Variants in DNM3 observed in about 807,000 individuals in gnomAD.
DNM3 encodes dynamin-3.
In DNM3, 47 loss-of-function variants were observed where a neutral mutation model predicts 101.6. The ratio of observed to expected loss-of-function variants is 0.46; its 90% CI spans 0.37 to 0.59. The LOEUF (loss-of-function observed/expected upper bound fraction) is 0.59, where lower values mean the gene tolerates loss of function less well. DNM3 is among the 20% of genes least tolerant of loss of function. The pLI is 0.00. For missense variants in DNM3, 849 were observed against 1,085.7 expected (o/e 0.78, Z 3.06); for synonymous variants, 385 against 387.9 (o/e 0.99, Z 0.09).
chr1:172,163,135 A>G (rs910791044), intron 14 of DNM3, among the ~76,000 whole-genome samples: 4 of 152,138 alleles, frequency 2.6e-5, no homozygotes, highest in African/African-American at 9.6e-5. Flanking sequence ...TAACATGTAC[A>G]TCACCTCACA....
intron 15 of DNM3, among the ~76,000 whole-genome samples, chr1:172,288,437 T>G (rs1380809011): frequency 1.3e-5 from 2 of 152,212 alleles, no homozygotes; most frequent in Non-Finnish European, 2.9e-5. Flanking sequence ...TTTATGATCC[T>G]ACAGGCCATG....
chr1:172,172,998 A>G (rs1022234679), intron 14 of DNM3, among the ~76,000 whole-genome samples: 3 of 151,892 alleles, frequency 2.0e-5, no homozygotes, highest in African/African-American at 7.2e-5. Flanking sequence ...ATAGTAAGCT[A>G]CCATTACAGG....
chr1:172,219,726 T>C (rs1256266822), intron 14 of DNM3, among the ~76,000 whole-genome samples: 1 of 152,136 alleles, frequency 6.6e-6, no homozygotes, highest in Non-Finnish European at 1.5e-5. Flanking sequence ...AGAGCACTCT[T>C]CCATGCCCTC....
At chr1:172,116,326 T>C (rs1039088228) in intron 13 of DNM3, among the ~76,000 whole-genome samples, 5 of 152,184 alleles carry the variant, frequency 3.3e-5, no homozygotes, top group African/African-American at 1.2e-4. Context: ...CCACAGGAGG[T>C]TCTCACATGC....
At chr1:172,122,607 C>T (rs2056388898) in intron 13 of DNM3, among the ~76,000 whole-genome samples, 1 of 152,186 alleles carries the variant, frequency 6.6e-6, no homozygotes, top group African/African-American at 2.4e-5. Context: ...GATTATGCCA[C>T]AACCTGTTAA....
chr1:172,032,322 C>A, intron 4 of DNM3, 80 bp from the exon 5 acceptor site: 2 of 1,006,602 alleles, frequency 2.0e-6, no homozygotes, highest in Non-Finnish European at 3.1e-6. Flanking sequence ...ATGTGCTTTA[C>A]ATTTAGCATT....
chr1:172,324,292 T>C (rs901235754), intron 17 of DNM3, among the ~76,000 whole-genome samples: 1 of 152,182 alleles, frequency 6.6e-6, no homozygotes, highest in African/African-American at 2.4e-5. Flanking sequence ...TTGGCCGGCA[T>C]ATTCAAACCA....
intron 14 of DNM3, among the ~76,000 whole-genome samples, chr1:172,221,369 A>G (rs1420271619): frequency 6.6e-6 from 1 of 152,036 alleles, no homozygotes; most frequent in African/African-American, 2.4e-5. Flanking sequence ...TTTGGCTCTC[A>G]GTTTCTTCAA....
intron 12 of DNM3, among the ~76,000 whole-genome samples, chr1:172,089,135 C>A (rs2053733861): frequency 6.6e-6 from 1 of 152,144 alleles, no homozygotes; most frequent in Non-Finnish European, 1.5e-5. Flanking sequence ...AAAACAGAAG[C>A]ACTTTGTTTT....
intron 17 of DNM3, among the ~76,000 whole-genome samples, chr1:172,366,076 TTTAA>T (rs1171396069): frequency 1.3e-4 from 20 of 151,752 alleles, no homozygotes; most frequent in African/African-American, 4.6e-4. Context: ...AAAACATTTT[TTTAA>T]TTAATTAGCT....
intron 14 of DNM3, among the ~76,000 whole-genome samples, chr1:172,238,076 T>A (rs2061610889): frequency 6.6e-6 from 1 of 152,190 alleles, no homozygotes; most frequent in Admixed American, 6.5e-5. Flanking sequence ...ATAAATACAT[T>A]ACTACCACTT....
chr1:172,170,665 A>T (rs1054328859), intron 14 of DNM3, among the ~76,000 whole-genome samples: 4 of 151,718 alleles, frequency 2.6e-5, no homozygotes, highest in Non-Finnish European at 5.9e-5. Flanking sequence ...GCATATCACA[A>T]TGCTGTTTTT....
At chr1:172,181,125 T>C (rs2059328125) in intron 14 of DNM3, among the ~76,000 whole-genome samples, 1 of 152,014 alleles carries the variant, frequency 6.6e-6, no homozygotes, top group Admixed American at 6.6e-5. Context: ...TATAGTAATT[T>C]TGAAAGCATA....
intron 9 of DNM3, 30 bp from the exon 10 acceptor site, chr1:172,048,582 C>A (rs777869245): frequency 2.5e-5 from 39 of 1,577,494 alleles, no homozygotes; most frequent in Non-Finnish European, 1.8e-5. Context: ...TTAAAAAAAT[C>A]TCATGGGCTG....
intron 14 of DNM3, among the ~76,000 whole-genome samples, chr1:172,250,308 A>G (rs951211898): frequency 4.6e-5 from 7 of 152,118 alleles, no homozygotes; most frequent in African/African-American, 1.7e-4. Flanking sequence ...GAAAAGATGT[A>G]TTTGGAAAAG....
intron 14 of DNM3, among the ~76,000 whole-genome samples, chr1:172,172,253 C>A (rs903421852): frequency 4.0e-5 from 6 of 151,630 alleles, no homozygotes; most frequent in African/African-American, 1.5e-4. Context: ...GTTACATCTG[C>A]AAATACAGTA....
In DNM3 at chr1:172,227,271, G is replaced by GATATATATATATATATAT. The variant is rs140087796; in HGVS notation, c.1660-26285_1660-26268dup. Among the ~76,000 whole-genome samples the GATATATATATATATATAT allele has an allele frequency of 5.8e-3, 455 of 77,880 alleles. 13 individuals are homozygous for GATATATATATATATATAT. The highest frequency in any genetic ancestry group is 8.5e-3 in the Middle Eastern group (1 of 118). 51.1% of individuals were successfully genotyped at this position (77,880 alleles called of 152,430 possible). On this transcript the variant is annotated intron_variant, in intron 14 of 20. Transcript: ENST00000627582. ...TTTTAATGGCTGGATAGTATTTTGT[G>GATATATATATATATATAT]ATATATATATATATATATATATATA...
chr1:172,223,229 AC>A (rs2060975227), intron 14 of DNM3, among the ~76,000 whole-genome samples: 1 of 146,706 alleles, frequency 6.8e-6, no homozygotes, highest in Admixed American at 6.8e-5. Context: ...CCTGCCCCTA[AC>A]CCCACCTCTC....
At chr1:172,268,045 G>T (rs1369889661) in intron 15 of DNM3, among the ~76,000 whole-genome samples, 1 of 152,112 alleles carries the variant, frequency 6.6e-6, no homozygotes, top group African/African-American at 2.4e-5. Context: ...TTAAGCAGGA[G>T]GAGAGCCAGA....
Sources: allele counts gnomAD v4.1 joint callset (sites outside exome capture counted in the v4.1 genomes callset), GRCh38; gene constraint gnomAD v4.1.1; transcripts MANE v1.5; gene names NCBI Gene and HGNC (gene_info 2026-07-23, HGNC 2026-07-21).